SLC36A1: variants seen among roughly 807,000 people sequenced by gnomAD.
SLC36A1 encodes solute carrier family 36 member 1.
Under a neutral mutation model 47.5 loss-of-function variants are expected in SLC36A1, and 30 were observed. The observed-to-expected ratio is 0.63, with a 90% CI of 0.47 to 0.86. The LOEUF (loss-of-function observed/expected upper bound fraction) is 0.86. Among genes scored for constraint, SLC36A1 ranks in the 40% least tolerant of loss-of-function variants. The pLI, the probability that SLC36A1 is intolerant of heterozygous loss-of-function variation, is 0.00. For synonymous variants in SLC36A1, 255 were observed against 249.7 expected (o/e 1.02, Z -0.20); for missense variants, 517 against 606.0 (o/e 0.85, Z 1.54).
At chr5:151,502,024 C>T in the SLC36A1 span, among the ~76,000 whole-genome samples, 7 of 148,270 alleles carry the variant, frequency 4.7e-5, no homozygotes, top group East Asian at 1.9e-4. Flanking sequence ...AAATTAAAAA[C>T]GAGTAGGGCA....
At chr5:151,548,355 CATT>C in the SLC36A1 span, among the ~76,000 whole-genome samples, 8 of 151,792 alleles carry the variant, frequency 5.3e-5, no homozygotes, top group Non-Finnish European at 1.0e-4. Context: ...TACAAATTAT[CATT>C]AATAATTAGT....
At chr5:151,551,457 G>C in the SLC36A1 span, 2 of 1,613,154 alleles carry the variant, frequency 1.2e-6, no homozygotes, top group African/African-American at 1.3e-5. Flanking sequence ...CCCCAGCCGA[G>C]GCCTCTAACC....
rs1016026809 is a variant in SLC36A1, at chr5:151,488,682, C to T, written c.*428C>T. On this transcript the variant is annotated 3_prime_UTR_variant, in exon 11 of 11. Coordinates refer to ENST00000243389, the MANE Select transcript of SLC36A1 (RefSeq NM_078483.4). ...GATTAAGTAACTGGGAACGCCCCCT[C>T]TTTATAAAGCTGGGCTTCTTTCTCA... is the stretch of plus-strand genomic sequence containing the variant. 1.2e-5 allele frequency: 2 copies of T among 170,902 alleles called. No homozygotes were observed. The highest frequency in any genetic ancestry group is 4.8e-5 in the African/African-American group (2 of 41,902). The allele number at this position is 170,902 out of a possible 1,614,324, so 10.6% of individuals were successfully genotyped here.
intron 5 of SLC36A1, among the ~76,000 whole-genome samples, chr5:151,465,980 C>T (rs1756308233): frequency 6.6e-6 from 1 of 150,762 alleles, no homozygotes; most frequent in Admixed American, 6.6e-5. Context: ...AAACTATGTT[C>T]TCTAGAAAAG....
At chr5:151,431,547 T>C in the SLC36A1 span, among the ~76,000 whole-genome samples, 1 of 152,110 alleles carries the variant, frequency 6.6e-6, no homozygotes, top group Non-Finnish European at 1.5e-5. Context: ...ACAATTCCCA[T>C]GTGTTGTAGG....
chr5:151,397,764 C>CAAAAAAAAAAAAAAAAAAAAAAAAAAAAA, the SLC36A1 span, among the ~76,000 whole-genome samples: 1 of 44,338 alleles, frequency 2.3e-5, no homozygotes, highest in Non-Finnish European at 4.1e-5. Context: ...AACTCCAACT[C>CAAAAAAAAAAAAAAAAAAAAAAAAAAAAA]AAAAAAAAAA....
At chr5:151,459,642 A>T (rs1284352201) in intron 2 of SLC36A1, 2 of 152,096 alleles carry the variant, frequency 1.3e-5, no homozygotes, top group African/African-American at 4.8e-5. Flanking sequence ...ATTTCAGCAG[A>T]CCTCTGACTT....
rs759872480 is a variant in SLC36A1 at position 151,467,835 on chromosome 5, C to A, written c.633C>A (p.Ile211=). 6.2e-7 allele frequency: 1 copy of A among 1,614,042 alleles called. No individual in the cohort carries two copies. The highest frequency in any genetic ancestry group is 2.2e-5 in the East Asian group (1 of 44,854). Residue 211 remains isoleucine, a synonymous_variant, in exon 7 of 11, where the codon ATC becomes ATA. Coordinates refer to ENST00000243389, the MANE Select transcript of SLC36A1 (RefSeq NM_078483.4). ...CCTTCCTGGTGCTGCTGGTTTTCAT[C>A]AGGAACCTCCGAGCCCTGTCCATCT... ...FLPFLVLLVF[I]RNLRALSIFS...
the SLC36A1 span, among the ~76,000 whole-genome samples, chr5:151,516,000 C>G: frequency 3.3e-5 from 5 of 152,206 alleles, no homozygotes; most frequent in Non-Finnish European, 5.9e-5. Context: ...TCCTACTGTT[C>G]CCTTTACCCA....
the SLC36A1 span, among the ~76,000 whole-genome samples, chr5:151,387,845 T>C: frequency 6.6e-6 from 1 of 152,150 alleles, no homozygotes; most frequent in South Asian, 2.1e-4. Flanking sequence ...AATTCCTATT[T>C]AAGGGACCTG....
chr5:151,402,375 G>C, the SLC36A1 span, among the ~76,000 whole-genome samples: 1 of 152,104 alleles, frequency 6.6e-6, no homozygotes, highest in African/African-American at 2.4e-5. Context: ...TCTTTGATGT[G>C]TGCTGTATTT....
chr5:151,389,508 C>A, the SLC36A1 span, among the ~76,000 whole-genome samples: 7 of 151,180 alleles, frequency 4.6e-5, no homozygotes, highest in African/African-American at 1.7e-4. Context: ...TGTGCTGCAC[C>A]CATTAACTCG....
At chr5:151,476,785 A>C (rs1467481484) in intron 9 of SLC36A1, 29 bp downstream of exon 9, 2 of 1,610,420 alleles carry the variant, frequency 1.2e-6, no homozygotes, top group South Asian at 2.2e-5. Flanking sequence ...GAAACCTAGG[A>C]GCACTGGATA....
At chr5:151,545,479 C>T in the SLC36A1 span, 1 of 1,614,130 alleles carries the variant, frequency 6.2e-7, no homozygotes, top group Non-Finnish European at 8.5e-7. Flanking sequence ...ATGGATAGGC[C>T]CGACTATTGC....
chr5:151,482,882 A>G (rs963551342), intron 10 of SLC36A1, among the ~76,000 whole-genome samples: 4 of 152,004 alleles, frequency 2.6e-5, no homozygotes, highest in African/African-American at 4.8e-5. Flanking sequence ...AAATACAAAA[A>G]CAAAATTAGC....
At chr5:151,468,943 TGAGA>T (rs983542672) in intron 7 of SLC36A1, among the ~76,000 whole-genome samples, 10 of 152,222 alleles carry the variant, frequency 6.6e-5, no homozygotes, top group African/African-American at 2.4e-4. Context: ...TGGGGTGGCA[TGAGA>T]GAGAACATCT....
chr5:151,553,357 G>A, the SLC36A1 span: 713 of 1,614,262 alleles, frequency 4.4e-4, 6 homozygotes, highest in African/African-American at 7.5e-3. Flanking sequence ...CTGGCTGAGA[G>A]TGGTGGCTGC....
the SLC36A1 span, among the ~76,000 whole-genome samples, chr5:151,555,050 T>C: frequency 6.6e-6 from 1 of 152,194 alleles, no homozygotes; most frequent in African/African-American, 2.4e-5. Flanking sequence ...TGAGAAAATG[T>C]TGATGAGGGA....
intron 1 of SLC36A1, among the ~76,000 whole-genome samples, chr5:151,455,885 C>A (rs1437512597): frequency 6.6e-6 from 1 of 152,126 alleles, no homozygotes; most frequent in Admixed American, 6.5e-5. Flanking sequence ...TATTGATGGG[C>A]TGTACATTGT....
Sources: allele counts gnomAD v4.1 joint callset (sites outside exome capture counted in the v4.1 genomes callset), GRCh38; gene constraint gnomAD v4.1.1; transcripts MANE v1.5; gene names NCBI Gene and HGNC (gene_info 2026-07-23, HGNC 2026-07-21).